Variants in VPS13B observed in about 807,000 individuals in gnomAD.
The protein encoded by VPS13B is intermembrane lipid transfer protein VPS13B.
A neutral mutation model predicts 426.4 loss-of-function variants in VPS13B; 285 were observed. That is an observed-to-expected ratio of 0.67 (90% CI 0.61 to 0.74). VPS13B has a LOEUF of 0.74. Ranked by LOEUF, VPS13B falls within the 30% of genes least tolerant of loss-of-function variation. The probability of loss-of-function intolerance (pLI) is 0.00; values close to 1 mark genes in which losing one functional copy is unlikely to be tolerated. For synonymous variants in VPS13B, 1,676 were observed against 1,676.4 expected (o/e 1.00, Z 0.01); for missense variants, 4,537 against 4,782.6 (o/e 0.95, Z 1.51).
At chr8:99,478,447 G>GTTTTTTTTTTTTTTTTTTTTTTTT (rs56261645) in intron 24 of VPS13B, among the ~76,000 whole-genome samples, 14 of 85,752 alleles carry the variant, frequency 1.6e-4, no homozygotes, top group Non-Finnish European at 2.3e-4. Flanking sequence ...TTTTTGTTTT[G>GTTTTTTTTTTTTTTTTTTTTTTTT]TTTTTTTTTT....
At chr8:99,651,453 G>C (rs563574047) in intron 34 of VPS13B, among the ~76,000 whole-genome samples, 1 of 152,134 alleles carries the variant, frequency 6.6e-6, no homozygotes, top group African/African-American at 2.4e-5. Context: ...TTTCCAAGTA[G>C]ATAGTAAGTC....
intron 17 of VPS13B, among the ~76,000 whole-genome samples, chr8:99,260,095 A>G (rs1817965389): frequency 6.6e-6 from 1 of 152,126 alleles, no homozygotes; most frequent in African/African-American, 2.4e-5. Context: ...AATGGATTAA[A>G]TGGATTAAAC....
chr8:99,061,301 T>TC (rs1430955070), intron 3 of VPS13B, among the ~76,000 whole-genome samples: 20 of 149,554 alleles, frequency 1.3e-4, no homozygotes, highest in South Asian at 1.0e-3. Flanking sequence ...ATTTTCTTTT[T>TC]TTTTTTTTTT....
At chr8:99,251,443 C>G (rs748225708) in intron 17 of VPS13B, among the ~76,000 whole-genome samples, 16 of 151,874 alleles carry the variant, frequency 1.1e-4, no homozygotes, top group Non-Finnish European at 2.4e-4. Flanking sequence ...TCTTCTTTAG[C>G]CTGTTCATAT....
At chr8:99,855,292 G>A (rs1588788727) in intron 56 of VPS13B, among the ~76,000 whole-genome samples, 2 of 152,158 alleles carry the variant, frequency 1.3e-5, no homozygotes, top group Non-Finnish European at 2.9e-5. Context: ...TGAGGTGGGA[G>A]GATTGCTCGA....
chr8:99,507,572 A>T (rs1482397479), intron 28 of VPS13B, among the ~76,000 whole-genome samples: 3 of 152,222 alleles, frequency 2.0e-5, no homozygotes, highest in Non-Finnish European at 4.4e-5. Context: ...TTTATACTAA[A>T]AGCAATTATT....
chr8:99,573,083 T>G (rs1825571430), intron 31 of VPS13B, among the ~76,000 whole-genome samples: 1 of 152,250 alleles, frequency 6.6e-6, no homozygotes. Flanking sequence ...ACATGTTTTT[T>G]GGCTGCATAA....
chr8:99,431,264 AC>A (rs979674651), intron 21 of VPS13B, among the ~76,000 whole-genome samples: 4 of 152,200 alleles, frequency 2.6e-5, no homozygotes, highest in African/African-American at 9.6e-5. Context: ...AATAAATAGA[AC>A]GTTACTATCA....
At chr8:99,509,848 A>AT (rs145850993) in intron 28 of VPS13B, among the ~76,000 whole-genome samples, 2 of 151,920 alleles carry the variant, frequency 1.3e-5, no homozygotes, top group Admixed American at 6.6e-5. Context: ...GTTGAGGAAG[A>AT]TTTTTTTCAA....
chr8:99,511,023 TGAG>T, intron 28 of VPS13B, 78 bp from the exon 29 acceptor site: 1 of 1,493,358 alleles, frequency 6.7e-7, no homozygotes, highest in African/African-American at 1.4e-5. Context: ...AAATACTCAC[TGAG>T]GTCATTTTCT....
rs78036054 is a variant in VPS13B, at chr8:99,171,613, G to T, written c.2333+1450G>T. On this transcript the variant is annotated intron_variant, in intron 16 of 61. Transcript: ENST00000357162. ...CTTAAAATATGCCTACAGACATCTA[G>T]AAATAATATTCCAATTAAATACTGA... 6.7e-3 allele frequency among the ~76,000 whole-genome samples: 1,025 copies of T among 152,024 alleles called. 5 individuals carry two copies. The highest frequency in any genetic ancestry group is 9.2e-3 in the Non-Finnish European group (627 of 67,874).
chr8:99,778,833 A>G lies in VPS13B; in HGVS notation c.7581A>G (p.Ala2527=). 4 of 1,614,062 alleles carry G rather than the reference A, an allele frequency of 2.5e-6. No homozygotes were observed. The highest frequency in any genetic ancestry group is 3.4e-6 in the Non-Finnish European group (4 of 1,179,940). Residue 2527 remains alanine (A), a synonymous_variant, in exon 42 of 62, where the codon GCA becomes GCG. Transcript: ENST00000357162. ...AGGAGATCCAGTTCTTAGCTCAAGC[A>G]GACTGTAAACTTCTAGAGTGCAGAA... ...VCQEIQFLAQ[A]DCKLLECRNV...
rs370251406 is a variant in VPS13B at position 99,275,066 on chromosome 8, A to C, written c.2651-15A>C. 2.4e-4 allele frequency: 387 copies of C among 1,583,744 alleles called. 4 individuals are homozygous for C. The Middle Eastern group carries it at 5.6e-3, about 23-fold the overall frequency. On this transcript the variant is annotated splice_polypyrimidine_tract_variant and intron_variant, in intron 18 of 61. Transcript: ENST00000357162. ...GTTTTATTTTTATTATTGTTTTATAAATATTTCTTTTCAGTTGATAGTGGA... is the reference window on the plus strand; with the variant it reads ...GTTTTATTTTTATTATTGTTTTATACATATTTCTTTTCAGTTGATAGTGGA...
intron 17 of VPS13B, among the ~76,000 whole-genome samples, chr8:99,199,891 A>G (rs1409575519): frequency 2.0e-5 from 3 of 151,550 alleles, no homozygotes; most frequent in African/African-American, 2.4e-5. Flanking sequence ...TTTTATTTAT[A>G]TAAAATTTTT....
At chr8:99,677,166 C>G (rs1020554870) in intron 35 of VPS13B, among the ~76,000 whole-genome samples, 3 of 152,198 alleles carry the variant, frequency 2.0e-5, no homozygotes, top group African/African-American at 7.2e-5. Context: ...TTCTGTTCAT[C>G]TTACCCAAAA....
At chr8:99,252,598 T>A (rs1334526648) in intron 17 of VPS13B, among the ~76,000 whole-genome samples, 3 of 152,114 alleles carry the variant, frequency 2.0e-5, no homozygotes, top group Admixed American at 1.3e-4. Context: ...ATATTCCGTC[T>A]ATTTGTTATA....
At chr8:99,629,247 G>A (rs1159248517) in intron 33 of VPS13B, among the ~76,000 whole-genome samples, 3 of 152,170 alleles carry the variant, frequency 2.0e-5, no homozygotes, top group African/African-American at 7.2e-5. Flanking sequence ...TTACCTATAT[G>A]TTGGCATTGT....
intron 21 of VPS13B, among the ~76,000 whole-genome samples, chr8:99,391,998 C>T (rs1231734083): frequency 6.6e-6 from 1 of 152,138 alleles, no homozygotes; most frequent in African/African-American, 2.4e-5. Flanking sequence ...CAGAGGGAGG[C>T]GCTGTGTCTC....
intron 30 of VPS13B, among the ~76,000 whole-genome samples, chr8:99,553,255 G>A (rs1212737594): frequency 6.6e-6 from 1 of 152,042 alleles, no homozygotes; most frequent in East Asian, 1.9e-4. Context: ...ATTGGTGTTG[G>A]CTCCAGGATG....
Sources: gnomAD v4.1 joint callset for allele counts (sites outside exome capture counted in the v4.1 genomes callset) on GRCh38, gnomAD v4.1.1 for gene constraint, MANE v1.5 for transcripts, NCBI Gene and HGNC (gene_info 2026-07-23, HGNC 2026-07-21) for gene names.